Variants in MCC observed in about 807,000 individuals in gnomAD.
MCC encodes MCC regulator of Wnt signaling pathway.
MCC carries 90 observed loss-of-function variants against 116.2 expected under a neutral mutation model. The ratio of observed to expected loss-of-function variants is 0.77; its 90% confidence interval spans 0.65 to 0.92. MCC has a LOEUF of 0.92. Among genes scored for constraint, MCC ranks in the 40% least tolerant of loss-of-function variants. The pLI, the probability that MCC is intolerant of heterozygous loss-of-function variation, is 0.00. For synonymous variants in MCC, 578 were observed against 510.5 expected, an observed-to-expected ratio of 1.13 and a Z score of -1.78; for missense variants, 1,516 against 1,312.2, an observed-to-expected ratio of 1.16 and a Z score of -2.40.
Position 113,453,614 on chromosome 5 carries a change from G to C in MCC, c.170+34631C>G, listed in dbSNP as rs78462866. Among the ~76,000 whole-genome samples, 42 of 152,280 alleles carry C rather than the reference G, an allele frequency of 2.8e-4. 1 individual carries two copies. Among genetic ancestry groups the C allele is most frequent in the African/African-American group, 8.9e-4 (37 of 41,560 alleles). ...GTGAAGGCATGCCTGCTTTCTAAGA[G>C]ACTTTACAGCTGACTCCCAGCTGTT... is the stretch of plus-strand genomic sequence containing the variant. On this transcript the variant is annotated intron_variant, in intron 1 of 18. Coordinates refer to ENST00000408903, the MANE Select transcript of MCC (RefSeq NM_001085377.2).
intron 5 of MCC, among the ~76,000 whole-genome samples, chr5:113,124,289 T>A (rs1210533004): frequency 6.6e-6 from 1 of 152,250 alleles, no homozygotes; most frequent in Non-Finnish European, 1.5e-5. Flanking sequence ...AAAGCACTCT[T>A]AAGTGCCTTT....
intron 3 of MCC, among the ~76,000 whole-genome samples, chr5:113,180,717 A>G (rs753694094): frequency 4.9e-4 from 75 of 152,300 alleles, no homozygotes; most frequent in Middle Eastern, 3.4e-3. Context: ...TATAAAAGAG[A>G]TCAATTTTTC....
At chr5:113,170,657 A>G (rs1761027325) in intron 3 of MCC, among the ~76,000 whole-genome samples, 2 of 152,132 alleles carry the variant, frequency 1.3e-5, no homozygotes, top group Admixed American at 6.6e-5. Flanking sequence ...ACTTTTATAT[A>G]TAACTCTCCT....
chr5:113,280,393 A>C (rs1321630969), intron 3 of MCC, among the ~76,000 whole-genome samples: 2 of 152,212 alleles, frequency 1.3e-5, no homozygotes, highest in Non-Finnish European at 2.9e-5. Flanking sequence ...TATTCTGTCA[A>C]GCACACTGCA....
chr5:113,399,340 C>G (rs1769616621), intron 1 of MCC, among the ~76,000 whole-genome samples: 1 of 152,012 alleles, frequency 6.6e-6, no homozygotes, highest in South Asian at 2.1e-4. Context: ...AAAAAATTAG[C>G]CGGGCGTGGT....
chr5:113,223,310 CACAA>C (rs1199509241), intron 3 of MCC, among the ~76,000 whole-genome samples: 2 of 152,208 alleles, frequency 1.3e-5, no homozygotes, highest in Non-Finnish European at 2.9e-5. Flanking sequence ...TCTGGGACTT[CACAA>C]ACAAAGTTGG....
intron 3 of MCC, among the ~76,000 whole-genome samples, chr5:113,162,679 T>G (rs952057458): frequency 1.3e-5 from 2 of 151,810 alleles, no homozygotes; most frequent in African/African-American, 4.9e-5. Context: ...TTGTTGTTGT[T>G]GTAGAGATGG....
At chr5:113,044,481 G>A in intron 16 of MCC, 1 of 984,092 alleles carries the variant, frequency 1.0e-6, no homozygotes, top group Non-Finnish European at 1.2e-6. Flanking sequence ...GCATTCATCG[G>A]ATGATCTCTC....
At chr5:113,246,368 T>G (rs972776677) in intron 3 of MCC, among the ~76,000 whole-genome samples, 1 of 152,128 alleles carries the variant, frequency 6.6e-6, no homozygotes, top group African/African-American at 2.4e-5. Flanking sequence ...CTCATCTTGA[T>G]TTAGAGGAAG....
intron 6 of MCC, among the ~76,000 whole-genome samples, chr5:113,107,513 C>G (rs1184859513): frequency 1.3e-5 from 2 of 152,166 alleles, no homozygotes; most frequent in African/African-American, 4.8e-5. Context: ...ATGCTCATCA[C>G]TGCAGAGGCC....
At chr5:113,175,837 T>C (rs1271987686) in intron 3 of MCC, among the ~76,000 whole-genome samples, 1 of 152,012 alleles carries the variant, frequency 6.6e-6, no homozygotes, top group East Asian at 1.9e-4. Flanking sequence ...TGGGTCATGA[T>C]CCATAAATGA....
chr5:113,432,597 T>C (rs1770693185), intron 1 of MCC: 1 of 152,204 alleles, frequency 6.6e-6, no homozygotes, highest in Non-Finnish European at 1.5e-5. Flanking sequence ...AACTGAGACA[T>C]ATAGATTAAC....
At chr5:113,299,290 CTCAAAAAA>C (rs1766791577) in intron 3 of MCC, among the ~76,000 whole-genome samples, 2 of 65,608 alleles carry the variant, frequency 3.0e-5, no homozygotes, top group African/African-American at 1.1e-4. Context: ...GAGACTCCGT[CTCAAAAAA>C]AAAAAAAAAA....
rs146486203 is a variant in MCC at position 113,350,943 on chromosome 5, A to G, written c.416-10213T>C. 7.5e-4 allele frequency among the ~76,000 whole-genome samples: 114 copies of G among 152,312 alleles called. 1 individual carries two copies. The Middle Eastern group carries it at 0.014, about 18-fold the overall frequency. On this transcript the variant is annotated intron_variant, in intron 2 of 18. Coordinates refer to ENST00000408903, the MANE Select transcript of MCC (RefSeq NM_001085377.2). ...ACAGGCCTATGAAAAGGTGCTCAACATCATTGATTATCAGAGCAATGCAAA... is the reference window on the plus strand; with the variant it reads ...ACAGGCCTATGAAAAGGTGCTCAACGTCATTGATTATCAGAGCAATGCAAA...
intron 3 of MCC, among the ~76,000 whole-genome samples, chr5:113,175,455 A>G (rs1414932581): frequency 6.6e-6 from 1 of 152,178 alleles, no homozygotes. Context: ...TTCCAGGAAG[A>G]CTAAGTTAAT....
intron 3 of MCC, among the ~76,000 whole-genome samples, chr5:113,202,718 TC>T (rs940591231): frequency 1.3e-5 from 2 of 150,504 alleles, no homozygotes; most frequent in Non-Finnish European, 1.5e-5. Flanking sequence ...CTGTTCCCAT[TC>T]CCCAGCTCCC....
At chr5:113,256,134 A>G (rs544369262) in intron 3 of MCC, among the ~76,000 whole-genome samples, 1 of 152,324 alleles carries the variant, frequency 6.6e-6, no homozygotes, top group South Asian at 2.1e-4. Flanking sequence ...GAAGGTTCTA[A>G]TTCAGAAGAA....
chr5:113,236,155 T>C (rs773340215), intron 3 of MCC, among the ~76,000 whole-genome samples: 1 of 152,184 alleles, frequency 6.6e-6, no homozygotes, highest in Non-Finnish European at 1.5e-5. Flanking sequence ...CACACTCCCA[T>C]GACAATATGA....
intron 17 of MCC, among the ~76,000 whole-genome samples, chr5:113,042,720 T>C (rs4260660): frequency 0.79 from 119,437 of 151,758 alleles, 47,338 homozygotes; most frequent in Non-Finnish European, 0.85. Context: ...GAACTTGAAA[T>C]GTCTGAATTT....
Sources: allele counts gnomAD v4.1 joint callset (sites outside exome capture counted in the v4.1 genomes callset), GRCh38; gene constraint gnomAD v4.1.1; transcripts MANE v1.5; gene names NCBI Gene and HGNC (gene_info 2026-07-23, HGNC 2026-07-21).